BCAS4: variants seen among roughly 807,000 people sequenced by gnomAD.
The protein encoded by BCAS4 is breast carcinoma amplified sequence 4, also known as breast carcinoma-amplified sequence 4.
BCAS4 carries 9 observed loss-of-function variants against 15.7 expected under a neutral mutation model. The observed-to-expected ratio is 0.57, with a 90% CI of 0.34 to 1.00. The LOEUF (loss-of-function observed/expected upper bound fraction) is 1.00. BCAS4 is among the 50% of genes least tolerant of loss of function. The probability of loss-of-function intolerance (pLI) is 0.02; values close to 1 mark genes in which losing one functional copy is unlikely to be tolerated. For missense variants in BCAS4, 225 were observed against 239.1 expected (o/e 0.94, Z 0.39); for synonymous variants, 101 against 99.5 (o/e 1.02, Z -0.09).
chr20:50,858,136 G>A, intron 4 of BCAS4, among the ~76,000 whole-genome samples: 1 of 152,156 alleles, frequency 6.6e-6, no homozygotes, highest in Non-Finnish European at 1.5e-5. Context: ...AGTTAGTACA[G>A]TAATCCCTGG....
intron 3 of BCAS4, among the ~76,000 whole-genome samples, chr20:50,833,825 G>C (rs1005070974): frequency 1.3e-5 from 2 of 152,186 alleles, no homozygotes; most frequent in Admixed American, 6.5e-5. Flanking sequence ...GGTGGTCCTG[G>C]AGGAGCATTA....
chr20:50,861,846 C>CTTTTTTTT (rs773052138), intron 4 of BCAS4, among the ~76,000 whole-genome samples: 2 of 109,248 alleles, frequency 1.8e-5, no homozygotes, highest in Non-Finnish European at 1.8e-5. Context: ...TCTTCTTCTC[C>CTTTTTTTT]TTTTTTTTTT....
chr20:50,847,762 G>A (rs1158511345), intron 4 of BCAS4, among the ~76,000 whole-genome samples: 4 of 152,188 alleles, frequency 2.6e-5, no homozygotes, highest in Non-Finnish European at 1.5e-5. Context: ...TCAGTTACAG[G>A]TGGGACACGG....
At chr20:50,797,756 C>A (rs1353345993) in intron 1 of BCAS4, among the ~76,000 whole-genome samples, 1 of 151,688 alleles carries the variant, frequency 6.6e-6, no homozygotes, top group Non-Finnish European at 1.5e-5. Context: ...ACCTCCACCT[C>A]CTGGGTTCAA....
chr20:50,828,739 A>G (rs1021122820), intron 2 of BCAS4, among the ~76,000 whole-genome samples: 2 of 152,184 alleles, frequency 1.3e-5, no homozygotes, highest in East Asian at 3.9e-4. Context: ...AGATTGTGCC[A>G]CTGCACTCCA....
At chr20:50,870,247 C>G (rs1979566380) in intron 4 of BCAS4, among the ~76,000 whole-genome samples, 1 of 152,182 alleles carries the variant, frequency 6.6e-6, no homozygotes, top group South Asian at 2.1e-4. Flanking sequence ...CAGGCAGGGT[C>G]AGGGATGTGC....
In BCAS4 at chr20:50,861,152, G is replaced by A. The variant is rs548889775; in HGVS notation, c.400-15334G>A. On this transcript the variant is annotated intron_variant, in intron 4 of 4. Coordinates refer to ENST00000371608, the MANE Select transcript of BCAS4 (RefSeq NM_198799.4). ...AGGCCAAATGAAGTCACCTGGGAGCGGGAGGCCCAGAGGTGGGAGGTCTGA... is the reference window on the plus strand; with the variant it reads ...AGGCCAAATGAAGTCACCTGGGAGCAGGAGGCCCAGAGGTGGGAGGTCTGA... 8.1e-4 allele frequency among the ~76,000 whole-genome samples: 123 copies of A among 152,244 alleles called. 1 individual carries two copies. Among genetic ancestry groups the A allele is most frequent in the Admixed American group, 2.6e-3 (40 of 15,290 alleles).
intron 1 of BCAS4, among the ~76,000 whole-genome samples, chr20:50,803,822 A>T (rs573845186): frequency 7.1e-6 from 1 of 141,832 alleles, no homozygotes; most frequent in South Asian, 2.3e-4. Flanking sequence ...AAAAAAAAAG[A>T]GAGAGAAAAA....
intron 1 of BCAS4, among the ~76,000 whole-genome samples, chr20:50,813,440 C>T (rs1481262858): frequency 2.6e-5 from 4 of 152,160 alleles, no homozygotes; most frequent in Admixed American, 6.6e-5. Flanking sequence ...TGCAAGAGTC[C>T]TAGCAAGAGA....
chr20:50,852,705 G>GCGGATGC (rs1327998788), intron 4 of BCAS4, among the ~76,000 whole-genome samples: 1 of 152,218 alleles, frequency 6.6e-6, no homozygotes, highest in Admixed American at 6.5e-5. Flanking sequence ...TTTTAAAAGA[G>GCGGATGC]CGGATGCAGA....
chr20:50,867,675 A>G (rs1979425719), intron 4 of BCAS4, among the ~76,000 whole-genome samples: 1 of 152,116 alleles, frequency 6.6e-6, no homozygotes, highest in Admixed American at 6.5e-5. Flanking sequence ...GCACTTTGGG[A>G]GGCCAAGGTG....
intron 3 of BCAS4, among the ~76,000 whole-genome samples, chr20:50,837,863 G>A (rs530154758): frequency 2.6e-5 from 4 of 152,336 alleles, no homozygotes; most frequent in Non-Finnish European, 5.9e-5. Context: ...AAGGGGAGTC[G>A]GCACTTTCGT....
chr20:50,857,645 G>A (rs1290675380), intron 4 of BCAS4, among the ~76,000 whole-genome samples: 4 of 152,170 alleles, frequency 2.6e-5, no homozygotes. Flanking sequence ...TGCTCTCAAT[G>A]CTAGCAGCTC....
intron 4 of BCAS4, among the ~76,000 whole-genome samples, chr20:50,842,423 T>C (rs923062634): frequency 1.3e-5 from 2 of 152,200 alleles, no homozygotes; most frequent in African/African-American, 4.8e-5. Context: ...TGTGTCCTTT[T>C]TGTCTTGTTT....
intron 1 of BCAS4, among the ~76,000 whole-genome samples, chr20:50,810,613 A>G (rs1431774118): frequency 1.4e-5 from 2 of 139,176 alleles, no homozygotes; most frequent in African/African-American, 2.7e-5. Context: ...TTTGAGACGG[A>G]GTCGTCTCGC....
intron 1 of BCAS4, among the ~76,000 whole-genome samples, chr20:50,797,947 G>A (rs1055832037): frequency 6.6e-6 from 1 of 152,022 alleles, no homozygotes; most frequent in Non-Finnish European, 1.5e-5. Flanking sequence ...TTACAGGTGT[G>A]AGCCACTGTG....
chr20:50,821,728 C>T (rs1017411977), intron 2 of BCAS4, among the ~76,000 whole-genome samples: 2 of 152,188 alleles, frequency 1.3e-5, no homozygotes, highest in African/African-American at 4.8e-5. Context: ...CACTTCCTTT[C>T]AGATAAAATT....
intron 1 of BCAS4, among the ~76,000 whole-genome samples, chr20:50,804,866 G>A (rs183345472): frequency 1.1e-4 from 17 of 152,248 alleles, no homozygotes; most frequent in Admixed American, 7.9e-4. Context: ...GCAGTGGGTC[G>A]TTGTTTAACC....
intron 4 of BCAS4, among the ~76,000 whole-genome samples, chr20:50,858,777 A>G (rs6096131): frequency 0.32 from 45,272 of 141,536 alleles, 7,868 homozygotes; most frequent in African/African-American, 0.46. Flanking sequence ...CCAGGCTGGA[A>G]TGCAGTGACA....
Sources: gnomAD v4.1 joint callset for allele counts (sites outside exome capture counted in the v4.1 genomes callset) on GRCh38, gnomAD v4.1.1 for gene constraint, MANE v1.5 for transcripts, NCBI Gene and HGNC (gene_info 2026-07-23, HGNC 2026-07-21) for gene names.